Variants in STAMBP observed in about 807,000 individuals in gnomAD.
STAMBP encodes the protein STAM binding protein.
Under a neutral mutation model 50.7 loss-of-function variants are expected in STAMBP, and 31 were observed. That is an observed-to-expected ratio of 0.61 (90% CI 0.46 to 0.83). The LOEUF is 0.83. STAMBP is among the 40% of genes least tolerant of loss of function. STAMBP has a pLI of 0.00. For missense variants in STAMBP, 472 were observed against 518.9 expected, an observed-to-expected ratio of 0.91 and a Z score of 0.88; for synonymous variants, 211 against 192.4, an observed-to-expected ratio of 1.10 and a Z score of -0.80.
chr2:73,859,857 G>A (rs1320092738), intron 8 of STAMBP, among the ~76,000 whole-genome samples, 195 bp from the exon 9 acceptor site: 1 of 151,960 alleles, frequency 6.6e-6, no homozygotes, highest in East Asian at 1.9e-4. Context: ...TAGTGTGATG[G>A]CAGTAATGAG....
At chr2:73,869,006 T>C (rs1305476973), downstream of STAMBP, among the ~76,000 whole-genome samples, 1 of 152,242 alleles carries the variant, frequency 6.6e-6, no homozygotes, top group African/African-American at 2.4e-5. Flanking sequence ...CCATTCTAAC[T>C]ACTATTATTG....
chr2:73,847,271 T>C, intron 4 of STAMBP, 116 bp from the exon 5 acceptor site: 1 of 1,279,278 alleles, frequency 7.8e-7, no homozygotes, highest in Non-Finnish European at 1.1e-6. Context: ...CTGTGTTAGG[T>C]AATCAGGCCA....
chr2:73,847,884 T>C, intron 5 of STAMBP, 131 bp downstream of exon 5: 1 of 1,218,420 alleles, frequency 8.2e-7, no homozygotes, highest in Non-Finnish European at 1.1e-6. Context: ...ATCTGATAAG[T>C]ATTGCTGTAC....
intron 2 of STAMBP, among the ~76,000 whole-genome samples, chr2:73,842,655 A>G (rs1196893305): frequency 6.6e-6 from 1 of 152,212 alleles, no homozygotes; most frequent in East Asian, 1.9e-4. Flanking sequence ...TGTTTATGTC[A>G]ATTAGTGCAT....
intron 2 of STAMBP, among the ~76,000 whole-genome samples, chr2:73,834,854 GA>G (rs1203196645): frequency 1.3e-5 from 2 of 152,130 alleles, no homozygotes; most frequent in Non-Finnish European, 2.9e-5. Flanking sequence ...GCTTAGATGG[GA>G]AAGACCTTAG....
chr2:73,861,729 A>G (rs1678351350), intron 9 of STAMBP, among the ~76,000 whole-genome samples: 1 of 142,416 alleles, frequency 7.0e-6, no homozygotes, highest in African/African-American at 2.7e-5. Flanking sequence ...GGGTTTCACC[A>G]TGTTGGCCAG....
At position 73,859,249 on chromosome 2, in the gene STAMBP, C is replaced by G. The variant is rs1444873296; in HGVS notation, c.1006-5C>G. Reference sequence around the variant, plus strand: ...AGAGTCCTCTGACTCTTTTTCTCTCCTCAGACTCACCCCACACAGACCGCG... The same window carrying G: ...AGAGTCCTCTGACTCTTTTTCTCTCGTCAGACTCACCCCACACAGACCGCG... On this transcript the variant is annotated splice_region_variant and splice_polypyrimidine_tract_variant and intron_variant, in intron 7 of 9. Transcript: ENST00000394070. 6.2e-7 allele frequency: 1 copy of G among 1,612,890 alleles called. No homozygotes were observed. Among genetic ancestry groups the G allele is most frequent in the Admixed American group, 1.7e-5 (1 of 60,022 alleles).
intron 9 of STAMBP, among the ~76,000 whole-genome samples, chr2:73,860,744 A>T (rs1159856125): frequency 1.3e-5 from 2 of 152,100 alleles, no homozygotes; most frequent in Non-Finnish European, 2.9e-5. Flanking sequence ...AGCTGATTTG[A>T]TGGTGTTGCA....
chr2:73,841,556 T>C (rs1675394448), intron 2 of STAMBP, among the ~76,000 whole-genome samples: 1 of 151,648 alleles, frequency 6.6e-6, no homozygotes, highest in African/African-American at 2.4e-5. Context: ...AAGGACTTTT[T>C]TGCTTATCTA....
At chr2:73,835,246 C>T (rs1469902564) in intron 2 of STAMBP, among the ~76,000 whole-genome samples, 2 of 151,250 alleles carry the variant, frequency 1.3e-5, no homozygotes, top group Non-Finnish European at 1.5e-5. Context: ...CCCAGCTACC[C>T]GAGAGGCTGA....
chr2:73,842,142 ATAAATACGGCAGGC>A (rs1333715576), intron 2 of STAMBP, among the ~76,000 whole-genome samples: 4 of 152,324 alleles, frequency 2.6e-5, no homozygotes, highest in Non-Finnish European at 5.9e-5. Flanking sequence ...AGCAAAGTAA[ATAAATACGGCAGGC>A]TAAATACGGC....
intron 6 of STAMBP, 109 bp downstream of exon 6, chr2:73,849,596 C>T: frequency 1.4e-6 from 2 of 1,399,390 alleles, no homozygotes; most frequent in Non-Finnish European, 1.9e-6. Context: ...ACTCTTTGTA[C>T]CAAGGAACCG....
intron 7 of STAMBP, among the ~76,000 whole-genome samples, chr2:73,856,191 T>G (rs1303239463): frequency 6.6e-6 from 1 of 152,242 alleles, no homozygotes; most frequent in Middle Eastern, 3.2e-3. Context: ...AACAGAATGG[T>G]CTCCTTTGTA....
rs397509390 is a variant in STAMBP at position 73,862,254 on chromosome 2, C to T, written c.1270C>T (p.Arg424Ter). The change falls in exon 10 of 10, where the codon CGA becomes TGA. Residue 424 changes from arginine (R) to a stop codon, truncating the protein, a stop_gained. Transcript: ENST00000394070. LOFTEE classifies it high-confidence loss of function. ...CAGAGCAGTGACCATCACAGACCTT[C>T]GATGAGCGTTTGAGTCCAACACCTT... ...VDRAVTITDL[R>*] The T allele has an allele frequency of 1.3e-5, 21 of 1,611,764 alleles. No individual in the cohort carries two copies. The highest frequency in any genetic ancestry group is 4.0e-5 in the African/African-American group (3 of 74,684).
Position 73,867,102 on chromosome 2 carries a change from A to G in STAMBP, c.*4843A>G, listed in dbSNP as rs1463910559. ...GCAACTTTGTCTTTTTCACCTTTGT[A>G]CTGAGTCCCCTGACATGGAATAAGA... On this transcript the variant is annotated 3_prime_UTR_variant, in exon 10 of 10. Transcript: ENST00000394070. 1 of 152,208 alleles carries G rather than the reference A, an allele frequency of 6.6e-6. No homozygotes were observed. Among genetic ancestry groups the G allele is most frequent in the Non-Finnish European group, 1.5e-5 (1 of 68,034 alleles). 9.4% of individuals were successfully genotyped at this position (152,208 alleles called of 1,614,324 possible).
At chr2:73,841,907 AGTT>A (rs1675436730) in intron 2 of STAMBP, among the ~76,000 whole-genome samples, 1 of 152,164 alleles carries the variant, frequency 6.6e-6, no homozygotes, top group African/African-American at 2.4e-5. Context: ...AACTGGCTAC[AGTT>A]GTTGAAGCAA....
intron 2 of STAMBP, 40 bp downstream of exon 2, chr2:73,831,099 G>A (rs1415361038): frequency 6.5e-7 from 1 of 1,546,110 alleles, no homozygotes; most frequent in African/African-American, 1.4e-5. Context: ...TCTGGTGACT[G>A]GTGCCTCGCC....
chr2:73,855,617 A>G (rs1254739936), intron 7 of STAMBP: 2 of 455,978 alleles, frequency 4.4e-6, no homozygotes, highest in Non-Finnish European at 8.8e-6. Flanking sequence ...TTATATTCTC[A>G]TCAGGTAGAA....
chr2:73,842,520 A>G (rs1034483554), intron 2 of STAMBP, among the ~76,000 whole-genome samples: 2 of 152,178 alleles, frequency 1.3e-5, no homozygotes, highest in Non-Finnish European at 2.9e-5. Flanking sequence ...ACTTGTTTTT[A>G]TAAGTCTTTC....
Sources: allele counts gnomAD v4.1 joint callset (sites outside exome capture counted in the v4.1 genomes callset), GRCh38; gene constraint gnomAD v4.1.1; transcripts MANE v1.5; gene names NCBI Gene and HGNC (gene_info 2026-07-23, HGNC 2026-07-21).